Variants in NOSIP observed in about 807,000 individuals in gnomAD.
NOSIP encodes the protein nitric oxide synthase interacting protein.
NOSIP carries 25 observed loss-of-function variants against 36.4 expected under a neutral mutation model. The observed-to-expected ratio is 0.69, with a 90% confidence interval of 0.50 to 0.96. The LOEUF (loss-of-function observed/expected upper bound fraction) is 0.96. Ranked by LOEUF, NOSIP falls within the 40% of genes least tolerant of loss-of-function variation. NOSIP has a pLI of 0.00. For synonymous variants in NOSIP, 187 were observed against 179.2 expected (o/e 1.04, Z -0.35); for missense variants, 370 against 429.0 (o/e 0.86, Z 1.21).
Position 49,560,288 on chromosome 19 carries a change from G to A in NOSIP, c.71-249C>T, listed in dbSNP as rs2080314764. 11 of 577,362 alleles carry A rather than the reference G, an allele frequency of 1.9e-5. No individual in the cohort carries two copies. The highest frequency in any genetic ancestry group is 4.1e-5 in the South Asian group (2 of 48,704). The allele number at this position is 577,362 out of a possible 1,614,324, so 35.8% of individuals were successfully genotyped here. A position where few individuals can be genotyped will look rare whatever the true frequency, so the allele number is the denominator to read the frequency against. On this transcript the variant is annotated intron_variant, in intron 2 of 8. Coordinates refer to ENST00000596358, the MANE Select transcript of NOSIP (RefSeq NM_001270960.2). The surrounding 1 kb of genome is among the most constrained non-coding windows in gnomAD (Gnocchi z 4.6). ...GTGGCAGCTTGGTGGAGGGGCTGAC[G>A]GCTGACTCCCCTCCACCCTTCTGAC...
intron 1 of NOSIP, among the ~76,000 whole-genome samples, chr19:49,564,483 A>T (rs943884007): frequency 2.6e-5 from 4 of 151,068 alleles, no homozygotes; most frequent in Non-Finnish European, 4.4e-5. Context: ...AAAACAAAAT[A>T]AAACTTCATT....
At chr19:49,563,456 C>G (rs1385554794) in intron 1 of NOSIP, among the ~76,000 whole-genome samples, 1 of 151,938 alleles carries the variant, frequency 6.6e-6, no homozygotes, top group South Asian at 2.1e-4. Context: ...AGGTGTGAGC[C>G]ACTGCACCTG....
intron 4 of NOSIP, chr19:49,557,776 G>A: frequency 2.0e-6 from 2 of 989,042 alleles, no homozygotes; most frequent in Non-Finnish European, 2.4e-6. Context: ...GCCATGACCT[G>A]AGCTCAGCCC....
At position 49,565,894 on chromosome 19, in the gene NOSIP, C is replaced by G. The variant is rs146732618; in HGVS notation, c.-1-5202G>C. Among the ~76,000 whole-genome samples the G allele has an allele frequency of 2.4e-4, 36 of 152,350 alleles. No individual in the cohort carries two copies. In the East Asian group the frequency reaches 5.0e-3, roughly 21 times the overall value. ...CTACAGATTCATCCCTGAATGAACA[C>G]AACTCTTGGATTTGACACCTGTGGA... On this transcript the variant is annotated intron_variant, in intron 1 of 8. Transcript: ENST00000596358.
intron 1 of NOSIP, among the ~76,000 whole-genome samples, chr19:49,570,409 GTT>G (rs1163244957): frequency 6.6e-6 from 1 of 152,086 alleles, no homozygotes; most frequent in South Asian, 2.1e-4. Context: ...CACTCTTTGG[GTT>G]TTAGGTATAT....
At position 49,564,453 on chromosome 19, in the gene NOSIP, CAAA is replaced by C. The variant is rs1011453088; in HGVS notation, c.-1-3764_-1-3762del. Among the ~76,000 whole-genome samples the C allele has an allele frequency of 4.2e-4, 18 of 42,562 alleles. 1 individual carries two copies. The highest frequency in any genetic ancestry group is 0.022 in the Middle Eastern group (2 of 90). 27.9% of individuals were successfully genotyped at this position (42,562 alleles called of 152,430 possible). On this transcript the variant is annotated intron_variant, in intron 1 of 8. Transcript: ENST00000596358. The stretch of plus-strand genomic sequence containing the variant: ...TAGGGGACAGAGCGAGACTCCATCT[CAAA>C]AAAAAAAAAAAAAAAAAAAACAAAA...
Position 49,555,612 on chromosome 19 carries a change from A to G in NOSIP, c.*139T>C. ...TCAATATGCTTAGCCCGCTCTTTCA[A>G]ACTCCAGCGTGCGCTGTAGGAGCAC... On this transcript the variant is annotated 3_prime_UTR_variant, in exon 9 of 9. Transcript: ENST00000596358. 1.5e-6 allele frequency: 1 copy of G among 672,198 alleles called. No homozygotes were observed. The highest frequency in any genetic ancestry group is 2.6e-6 in the Non-Finnish European group (1 of 383,470). The allele number at this position is 672,198 out of a possible 1,614,324, so 41.6% of individuals were successfully genotyped here. A position where few individuals can be genotyped will look rare whatever the true frequency, so the allele number is the denominator to read the frequency against.
At chr19:49,577,081 A>G (rs919182831) in intron 1 of NOSIP, among the ~76,000 whole-genome samples, 3 of 152,154 alleles carry the variant, frequency 2.0e-5, no homozygotes, top group African/African-American at 7.2e-5. Flanking sequence ...CACACCCCCT[A>G]GAATGACTAT....
At position 49,560,006 on chromosome 19, in the gene NOSIP, A is replaced by G. The variant is rs1568724951; in HGVS notation, c.104T>C (p.Leu35Pro). Residue 35 changes from leucine (L) to proline (P), a missense_variant, in exon 3 of 9, where the codon CTG (leucine) becomes CCG (proline). Coordinates refer to ENST00000596358, the MANE Select transcript of NOSIP (RefSeq NM_001270960.2). This position sits in a 1 kb window ranked among gnomAD's most constrained non-coding sequence, Gnocchi z 4.6. ...ASGYGTQNIR[L>P]SRDAVKDFDC... ...GAAGTCCTTCACGGCATCCCGGCTCAGTCGAATGTTCTGGGTCCCATAGCC... is the reference window on the plus strand; with the variant it reads ...GAAGTCCTTCACGGCATCCCGGCTCGGTCGAATGTTCTGGGTCCCATAGCC... 1.2e-6 allele frequency: 2 copies of G among 1,613,840 alleles called. No individual in the cohort carries two copies. The highest frequency in any genetic ancestry group is 8.5e-7 in the Non-Finnish European group (1 of 1,179,802).
intron 1 of NOSIP, among the ~76,000 whole-genome samples, chr19:49,569,369 A>AC (rs1568409046): frequency 7.4e-6 from 1 of 136,052 alleles, no homozygotes; most frequent in Non-Finnish European, 1.6e-5. Context: ...AATTTTTTTT[A>AC]TTTTTTTTTT....
intron 1 of NOSIP, among the ~76,000 whole-genome samples, chr19:49,569,425 C>T (rs1488464511): frequency 2.0e-5 from 3 of 147,546 alleles, no homozygotes; most frequent in Non-Finnish European, 4.5e-5. Context: ...GTCTTGATCT[C>T]CTGACCTCGT....
chr19:49,568,313 A>G lies in NOSIP; in HGVS notation c.-1-7621T>C, dbSNP rs183177634. ...TGTGAATTACTGTGATGTGGTGGAA[A>G]GAGGGTTATTTGAGATCTGATGGAA... On this transcript the variant is annotated intron_variant, in intron 1 of 8. Coordinates refer to ENST00000596358, the MANE Select transcript of NOSIP (RefSeq NM_001270960.2). Among the ~76,000 whole-genome samples, 452 of 152,196 alleles carry G rather than the reference A, an allele frequency of 3.0e-3. 3 individuals are homozygous for G. The highest frequency in any genetic ancestry group is 4.2e-3 in the Non-Finnish European group (288 of 68,012).
At chr19:49,565,312 G>A (rs1261517040) in intron 1 of NOSIP, among the ~76,000 whole-genome samples, 1 of 151,780 alleles carries the variant, frequency 6.6e-6, no homozygotes, top group Non-Finnish European at 1.5e-5. Context: ...GGCAGAAGGT[G>A]GGGGTGACTA....
At chr19:49,558,451 G>A (rs1169654399) in intron 4 of NOSIP, 3 of 155,152 alleles carry the variant, frequency 1.9e-5, no homozygotes, top group African/African-American at 7.3e-5. Context: ...TACAGACAGG[G>A]TTTCACCATG....
chr19:49,580,155 C>G (rs1387230392), intron 1 of NOSIP, among the ~76,000 whole-genome samples: 1 of 151,346 alleles, frequency 6.6e-6, no homozygotes, highest in African/African-American at 2.4e-5. Context: ...TCCTCAACTC[C>G]CACTCCTTAG....
In NOSIP at chr19:49,564,467, A is replaced by C. The variant is rs192211350; in HGVS notation, c.-1-3775T>G. On this transcript the variant is annotated intron_variant, in intron 1 of 8. Transcript: ENST00000596358. ...AGACTCCATCTCAAAAAAAAAAAAA[A>C]AAAAAAAAACAAAATAAAACTTCAT... is the stretch of plus-strand genomic sequence containing the variant. Among the ~76,000 whole-genome samples the C allele has an allele frequency of 7.5e-4, 114 of 151,576 alleles. 1 individual carries two copies. The highest frequency in any genetic ancestry group is 3.4e-3 in the Middle Eastern group (1 of 294).
In NOSIP at chr19:49,555,816, T is replaced by C. The variant is rs764364369; in HGVS notation, c.841A>G (p.Thr281Ala). 6.2e-7 allele frequency: 1 copy of C among 1,613,012 alleles called. No homozygotes were observed. Among genetic ancestry groups the C allele is most frequent in the South Asian group, 1.1e-5 (1 of 91,064 alleles). Residue 281 changes from threonine to alanine, a missense_variant, in exon 9 of 9, where the codon ACC becomes GCC. Around this residue, in one of 3 missense-constraint regions of NOSIP, gnomAD observed 18 missense variants for 36.9 expected, o/e 0.49. Coordinates refer to ENST00000596358, the MANE Select transcript of NOSIP (RefSeq NM_001270960.2). ...RDIIVLQRGG[T>A]GFAGSGVKLQ... ...TTCACTCCGGAGCCCGCGAAGCCGG[T>C]ACCGCCCTGGGGGAGGTAGAGAGAA...
Position 49,557,240 on chromosome 19 carries a change from T to G in NOSIP, c.268A>C (p.Lys90Gln), listed in dbSNP as rs754491390. The change falls in exon 5 of 9, where the codon AAG becomes CAG. Residue 90 changes from lysine (K) to glutamine (Q), a missense_variant. By Grantham distance (53) the Lys-to-Gln change is moderately conservative. Transcript: ENST00000596358. ...EIARQMKAYE[K>Q]QRGTRREEQK... is the part of the protein sequence containing the mutation. Reference sequence around the variant, plus strand: ...TCCTCGCGCCGGGTGCCCCGCTGCTTCTCGTAGGCCTGCGTCGGGGAAAGT... The same window carrying G: ...TCCTCGCGCCGGGTGCCCCGCTGCTGCTCGTAGGCCTGCGTCGGGGAAAGT... The G allele has an allele frequency of 6.3e-7, 1 of 1,587,874 alleles. No homozygotes were observed. Among genetic ancestry groups the G allele is most frequent in the Admixed American group, 1.8e-5 (1 of 55,662 alleles).
At chr19:49,567,740 G>A (rs1452676282) in intron 1 of NOSIP, among the ~76,000 whole-genome samples, 1 of 151,948 alleles carries the variant, frequency 6.6e-6, no homozygotes, top group African/African-American at 2.4e-5. Flanking sequence ...CATGATCTCG[G>A]CTCACTGCAA....
Sources: gnomAD v4.1 joint callset for allele counts (sites outside exome capture counted in the v4.1 genomes callset) on GRCh38, gnomAD v4.1.1 for gene constraint, gnomAD v4.1.1 regional missense constraint, Gnocchi (gnomAD v3.1) non-coding constraint, MANE v1.5 for transcripts, NCBI Gene and HGNC (gene_info 2026-07-23, HGNC 2026-07-21) for gene names.